DONSON: variants seen among roughly 807,000 people sequenced by gnomAD.
DONSON encodes the protein protein downstream neighbor of Son.
DONSON carries 43 observed loss-of-function variants against 62.1 expected under a neutral mutation model. The observed-to-expected ratio is 0.69, with a 90% confidence interval of 0.54 to 0.89. DONSON has a LOEUF of 0.89. Ranked by LOEUF, DONSON falls within the 40% of genes least tolerant of loss-of-function variation. The pLI is 0.00. For missense variants in DONSON, 696 were observed against 697.5 expected (o/e 1.00, Z 0.03); for synonymous variants, 266 against 264.6 (o/e 1.01, Z -0.05).
intron 7 of DONSON, 74 bp from the exon 8 acceptor site, chr21:33,581,574 T>A: frequency 7.9e-7 from 1 of 1,263,420 alleles, no homozygotes; most frequent in Non-Finnish European, 1.1e-6. Flanking sequence ...TGATTCTGAA[T>A]CACCTGAGAC....
In DONSON at chr21:33,586,111, C is replaced by T. The variant is rs377360381; in HGVS notation, c.473G>A (p.Ser158Asn). ...SKSTELPVDW[S>N]IKTRLLFTSS... ...GGTGAAAAGGAGTCGCGTTTTAATA[C>T]TCCAGTCCACAGGTAACTCAGTACT... Residue 158 changes from serine (S) to asparagine (N), a missense_variant, in exon 3 of 10, where the codon AGT (serine) becomes AAT (asparagine). Transcript: ENST00000303071. 4 of 1,614,164 alleles carry T rather than the reference C, an allele frequency of 2.5e-6. No homozygotes were observed. The highest frequency in any genetic ancestry group is 1.1e-5 in the South Asian group (1 of 91,092).
chr21:33,583,011 C>G (rs1388264118), intron 5 of DONSON, among the ~76,000 whole-genome samples: 1 of 151,778 alleles, frequency 6.6e-6, no homozygotes, highest in East Asian at 1.9e-4. Context: ...ATCGTCCTGG[C>G]TAACACGGTG....
At chr21:33,579,930 TATG>T (rs2086486327) in intron 8 of DONSON, among the ~76,000 whole-genome samples, 1 of 152,326 alleles carries the variant, frequency 6.6e-6, no homozygotes, top group East Asian at 1.9e-4. Flanking sequence ...TATAATTTAT[TATG>T]ATTATAATCC....
Position 33,578,360 on chromosome 21 carries a change from A to C in DONSON, c.1648T>G (p.Ser550Ala). The C allele has an allele frequency of 6.2e-7, 1 of 1,614,084 alleles. No individual in the cohort carries two copies. Among genetic ancestry groups the C allele is most frequent in the Non-Finnish European group, 8.5e-7 (1 of 1,179,986 alleles). ...QLSQIPLLGKSSLRNVVLRDY... is the reference protein window; with the variant it reads ...QLSQIPLLGKASLRNVVLRDY... ...CTCAGCACCACATTCCGTAAAGATG[A>C]TTTCCCAAGTAACGGTATTTGACTA... Residue 550 changes from serine (S) to alanine (A), a missense_variant, in exon 10 of 10, where the codon TCA becomes GCA. Ser to Ala is a moderately conservative substitution (Grantham distance 99). Coordinates refer to ENST00000303071, the MANE Select transcript of DONSON (RefSeq NM_017613.4).
At chr21:33,585,954 A>AT in intron 3 of DONSON, 24 bp downstream of exon 3, 1 of 1,610,566 alleles carries the variant, frequency 6.2e-7, no homozygotes, top group Non-Finnish European at 8.5e-7. Context: ...ACTTTAACAC[A>AT]TAACTATTTT....
intron 8 of DONSON, among the ~76,000 whole-genome samples, chr21:33,580,463 CAAAAAAAAAAAAAAAAAAAAAAA>C (rs57425899): frequency 3.6e-3 from 63 of 17,492 alleles, no homozygotes; most frequent in African/African-American, 8.2e-3. Context: ...GATTCCACCT[CAAAAAAAAAAAAAAAAAAAAAAA>C]AAAAAAAAAA....
At chr21:33,582,305 G>A in intron 5 of DONSON, 59 bp from the exon 6 acceptor site, 1 of 1,360,844 alleles carries the variant, frequency 7.3e-7, no homozygotes. Context: ...CAGGCATGCT[G>A]TACTTTTAGA....
chr21:33,582,784 A>C (rs1031443130), intron 5 of DONSON, among the ~76,000 whole-genome samples: 44 of 152,160 alleles, frequency 2.9e-4, no homozygotes, highest in African/African-American at 1.1e-3. Context: ...GCGACTGTCG[A>C]GTGAACATTA....
chr21:33,587,846 A>G (rs1164889643), intron 1 of DONSON, among the ~76,000 whole-genome samples: 1 of 152,210 alleles, frequency 6.6e-6, no homozygotes, highest in African/African-American at 2.4e-5. Flanking sequence ...GGTAAGACAG[A>G]TGCTAGTGAA....
intron 5 of DONSON, 70 bp from the exon 6 acceptor site, chr21:33,582,316 G>T: frequency 7.8e-7 from 1 of 1,286,106 alleles, no homozygotes; most frequent in Non-Finnish European, 1.1e-6. Flanking sequence ...TACTTTTAGA[G>T]TGTAAAAAAT....
At chr21:33,582,391 C>T in intron 5 of DONSON, 145 bp from the exon 6 acceptor site, 1 of 657,426 alleles carries the variant, frequency 1.5e-6, no homozygotes, top group Non-Finnish European at 2.6e-6. Context: ...TCTTCACAAA[C>T]CTACAAACAT....
At chr21:33,580,341 G>A (rs1331669653) in intron 8 of DONSON, among the ~76,000 whole-genome samples, 6 of 149,206 alleles carry the variant, frequency 4.0e-5, no homozygotes, top group Non-Finnish European at 7.4e-5. Flanking sequence ...AGATCATGAG[G>A]TCAGGAGTTC....
In DONSON at chr21:33,577,616, C is replaced by A. The variant is rs564668700; in HGVS notation, c.*691G>T. The A allele has an allele frequency of 3.2e-4, 1 of 3,108 alleles. No homozygotes were observed. Among genetic ancestry groups the A allele is most frequent in the Non-Finnish European group, 8.3e-4 (1 of 1,210 alleles). The allele number at this position is 3,108 out of a possible 1,614,324, so 0.2% of individuals were successfully genotyped here. A position where few individuals can be genotyped will look rare whatever the true frequency, so the allele number is the denominator to read the frequency against. The stretch of plus-strand genomic sequence containing the variant: ...TACAGTCCCCCCCTACACACACACA[C>A]ACACACACACACACACACACACACA... On this transcript the variant is annotated 3_prime_UTR_variant, in exon 10 of 10. Transcript: ENST00000303071.
Position 33,577,692 on chromosome 21 carries a change from CA to C in DONSON, c.*614del, listed in dbSNP as rs2086448485. 1.3e-4 allele frequency: 16 copies of C among 124,086 alleles called. No individual in the cohort carries two copies. Among genetic ancestry groups the C allele is most frequent in the Admixed American group, 1.7e-4 (2 of 11,736 alleles). 7.7% of individuals were successfully genotyped at this position (124,086 alleles called of 1,614,324 possible). On this transcript the variant is annotated 3_prime_UTR_variant, in exon 10 of 10. Transcript: ENST00000303071. ...ACACACACACACACACACACACACA[CA>C]CACACACACCCCTATAAGCACATTA...
In DONSON at chr21:33,588,588, T is replaced by C; in HGVS notation, c.54A>G (p.Val18=). 1 of 1,252,542 alleles carries C rather than the reference T, an allele frequency of 8.0e-7. No individual in the cohort carries two copies. The highest frequency in any genetic ancestry group is 1.0e-6 in the Non-Finnish European group (1 of 997,274). The allele number at this position is 1,252,542 out of a possible 1,614,324, so 77.6% of individuals were successfully genotyped here. Residue 18 remains valine (V), a synonymous_variant, in exon 1 of 10, where the codon GTA becomes GTG. Coordinates refer to ENST00000303071, the MANE Select transcript of DONSON (RefSeq NM_017613.4). The part of the protein sequence containing the change: ...YSPGFRKPPE[V]VRLRRKRARS... Reference sequence around the variant, plus strand: ...GGGCCCTTTTCCGTCGGAGCCGCACTACCTCGGGCGGCTTTCGGAAGCCCG... The same window carrying C: ...GGGCCCTTTTCCGTCGGAGCCGCACCACCTCGGGCGGCTTTCGGAAGCCCG...
intron 2 of DONSON, chr21:33,587,289 C>T: frequency 1.1e-6 from 1 of 896,974 alleles, no homozygotes; most frequent in Non-Finnish European, 1.3e-6. Context: ...TCTATCAGGC[C>T]TATTTTAGCG....
At chr21:33,588,295 T>G in intron 1 of DONSON, 26 bp downstream of exon 1, 1 of 1,251,032 alleles carries the variant, frequency 8.0e-7, no homozygotes, top group Non-Finnish European at 1.0e-6. Flanking sequence ...AAGAGCCCCT[T>G]GGCGGCCAGG....
Position 33,583,545 on chromosome 21 carries a change from T to C in DONSON, c.907A>G (p.Ile303Val). ...RAAGLAGSDLITALISPTTRG... is the reference protein window; with the variant it reads ...RAAGLAGSDLVTALISPTTRG... ...GTTGTTGGAGATATGAGAGCTGTGATTAAGTCACTTCCAGCTAATCCTGCT... is the reference window on the plus strand; with the variant it reads ...GTTGTTGGAGATATGAGAGCTGTGACTAAGTCACTTCCAGCTAATCCTGCT... The change falls in exon 5 of 10, where the codon ATC becomes GTC. Residue 303 changes from isoleucine (I) to valine (V), a missense_variant. Ile to Val is a conservative substitution (Grantham distance 29). Coordinates refer to ENST00000303071, the MANE Select transcript of DONSON (RefSeq NM_017613.4). 6.2e-7 allele frequency: 1 copy of C among 1,614,038 alleles called. No individual in the cohort carries two copies. Among genetic ancestry groups the C allele is most frequent in the South Asian group, 1.1e-5 (1 of 91,080 alleles).
At chr21:33,588,066 G>T (rs760941042) in intron 1 of DONSON, among the ~76,000 whole-genome samples, 2 of 152,152 alleles carry the variant, frequency 1.3e-5, no homozygotes, top group Non-Finnish European at 2.9e-5. Context: ...TGCCCTCTGG[G>T]GCCCCCTCAC....
Sources: allele counts gnomAD v4.1 joint callset (sites outside exome capture counted in the v4.1 genomes callset), GRCh38; gene constraint gnomAD v4.1.1; transcripts MANE v1.5; gene names NCBI Gene and HGNC (gene_info 2026-07-23, HGNC 2026-07-21).